Variants in SCAND3 observed in about 807,000 individuals in gnomAD.
SCAND3 encodes the protein SCAN domain-containing protein 3.
chr6:28,581,157 T>A, the SCAND3 span, among the ~76,000 whole-genome samples: 1 of 151,888 alleles, frequency 6.6e-6, no homozygotes, highest in Non-Finnish European at 1.5e-5. Flanking sequence ...GGCAACATAG[T>A]GAAACCTCAT....
At chr6:28,578,742 C>T in the SCAND3 span, among the ~76,000 whole-genome samples, 4 of 152,132 alleles carry the variant, frequency 2.6e-5, no homozygotes, top group African/African-American at 9.7e-5. Flanking sequence ...AGGAGAAAAA[C>T]ATTGTATCCA....
At chr6:28,586,184 A>C in the SCAND3 span, 1 of 818,628 alleles carries the variant, frequency 1.2e-6, no homozygotes, top group Non-Finnish European at 2.0e-6. This position sits in a 1 kb window ranked among gnomAD's most constrained non-coding sequence, Gnocchi z 4.4. Context: ...ATCAAATAAG[A>C]AATAATGCCC....
At chr6:28,589,442 G>C in the SCAND3 span, 1 of 152,170 alleles carries the variant, frequency 6.6e-6, no homozygotes, top group African/African-American at 2.4e-5. Flanking sequence ...TCGAATCTCG[G>C]TGGGACCTTT....
chr6:28,608,950 G>A, the SCAND3 span, among the ~76,000 whole-genome samples: 3 of 151,764 alleles, frequency 2.0e-5, 1 homozygote, highest in Non-Finnish European at 4.4e-5. Flanking sequence ...CTGTGATTGT[G>A]CCACTGCACT....
At chr6:28,575,566 A>G in the SCAND3 span, 41 of 1,613,892 alleles carry the variant, frequency 2.5e-5, no homozygotes, top group Non-Finnish European at 3.1e-5. This position sits in a 1 kb window ranked among gnomAD's most constrained non-coding sequence, Gnocchi z 4.2. Flanking sequence ...CTGCATGTCT[A>G]TAAGATCTAC....
At chr6:28,592,691 A>T in the SCAND3 span, among the ~76,000 whole-genome samples, 1 of 152,218 alleles carries the variant, frequency 6.6e-6, no homozygotes. This position sits in a 1 kb window ranked among gnomAD's most constrained non-coding sequence, Gnocchi z 4.1. Flanking sequence ...AAGTGATTGT[A>T]ATAAGGCATG....
the SCAND3 span, among the ~76,000 whole-genome samples, chr6:28,584,566 T>C: frequency 6.6e-6 from 1 of 152,196 alleles, no homozygotes; most frequent in African/African-American, 2.4e-5. Flanking sequence ...TCACCATCAG[T>C]TGATCCTTTG....
At chr6:28,602,614 C>G in the SCAND3 span, among the ~76,000 whole-genome samples, 1 of 152,158 alleles carries the variant, frequency 6.6e-6, no homozygotes, top group African/African-American at 2.4e-5. Flanking sequence ...TGGCATGTTT[C>G]TAGTAGGGCC....
the SCAND3 span, among the ~76,000 whole-genome samples, chr6:28,581,519 G>C: frequency 6.6e-6 from 1 of 152,230 alleles, no homozygotes; most frequent in East Asian, 1.9e-4. Context: ...GGTAGTTGCT[G>C]GCACCAACTC....
the SCAND3 span, among the ~76,000 whole-genome samples, chr6:28,598,516 A>G: frequency 6.6e-6 from 1 of 151,982 alleles, no homozygotes; most frequent in African/African-American, 2.4e-5. Context: ...TGGAAAACTG[A>G]CCTGGGTTAG....
chr6:28,600,436 C>T, the SCAND3 span, among the ~76,000 whole-genome samples: 1 of 152,134 alleles, frequency 6.6e-6, no homozygotes. Flanking sequence ...AGTTCGAGAC[C>T]AGCCTGGCCA....
chr6:28,615,219 T>A, the SCAND3 span, among the ~76,000 whole-genome samples: 85 of 152,184 alleles, frequency 5.6e-4, no homozygotes, highest in Non-Finnish European at 9.3e-4. Flanking sequence ...CATTCCCCTC[T>A]CAAAACATTT....
chr6:28,575,316 C>G, the SCAND3 span: 1 of 1,614,004 alleles, frequency 6.2e-7, no homozygotes, highest in South Asian at 1.1e-5. The surrounding 1 kb of genome is among the most constrained non-coding windows in gnomAD (Gnocchi z 4.2). Context: ...AGGTCTGAGA[C>G]TTCCCATGGA....
At chr6:28,583,385 A>G in the SCAND3 span, among the ~76,000 whole-genome samples, 3 of 88,788 alleles carry the variant, frequency 3.4e-5, no homozygotes, top group East Asian at 3.7e-4. Flanking sequence ...CTGTCTCAAA[A>G]CAAACAAACA....
chr6:28,583,066 GGGGGGCAA>G, the SCAND3 span, among the ~76,000 whole-genome samples: 7 of 151,974 alleles, frequency 4.6e-5, no homozygotes, highest in Admixed American at 2.0e-4. Flanking sequence ...GTGAGGAAAG[GGGGGGCAA>G]GGGTGGAAGG....
At chr6:28,596,880 G>A in the SCAND3 span, among the ~76,000 whole-genome samples, 1 of 152,100 alleles carries the variant, frequency 6.6e-6, no homozygotes, top group Non-Finnish European at 1.5e-5. Context: ...TTTCAGTAAG[G>A]TTAAAATTAG....
At chr6:28,610,642 T>G in the SCAND3 span, among the ~76,000 whole-genome samples, 1 of 152,172 alleles carries the variant, frequency 6.6e-6, no homozygotes, top group East Asian at 1.9e-4. Context: ...GATGTGTCCT[T>G]CTAGGTCCTG....
the SCAND3 span, among the ~76,000 whole-genome samples, chr6:28,610,053 G>A: frequency 5.5e-4 from 84 of 152,104 alleles, no homozygotes; most frequent in Middle Eastern, 6.8e-3. Flanking sequence ...GTGCAACGCC[G>A]TCTTTACTAA....
chr6:28,606,783 G>A, the SCAND3 span, among the ~76,000 whole-genome samples: 2 of 152,208 alleles, frequency 1.3e-5, no homozygotes, highest in Non-Finnish European at 2.9e-5. Flanking sequence ...CAAGAAAGGC[G>A]GTGCTGGGCC....
Sources: allele counts gnomAD v4.1 joint callset (sites outside exome capture counted in the v4.1 genomes callset), GRCh38; gene constraint gnomAD v4.1.1; non-coding constraint Gnocchi (gnomAD v3.1); transcripts MANE v1.5; gene names NCBI Gene and HGNC (gene_info 2026-07-23, HGNC 2026-07-21).